Variants in KLHL11 observed in about 807,000 individuals in gnomAD.
KLHL11 encodes kelch-like protein 11.
A neutral mutation model predicts 56.1 loss-of-function variants in KLHL11; 26 were observed. The observed-to-expected ratio is 0.46, with a 90% CI of 0.34 to 0.64. The LOEUF (loss-of-function observed/expected upper bound fraction) is 0.64, where lower values mean the gene tolerates loss of function less well. Among genes scored for constraint, KLHL11 ranks in the 30% least tolerant of loss-of-function variants. The probability of loss-of-function intolerance (pLI) is 0.01; values close to 1 mark genes in which losing one functional copy is unlikely to be tolerated. For missense variants in KLHL11, 627 were observed against 919.4 expected (o/e 0.68, Z 4.11); for synonymous variants, 338 against 345.8 (o/e 0.98, Z 0.25).
rs782437582 is a variant in KLHL11 at position 41,854,616 on chromosome 17, T to C, written c.1251A>G (p.Pro417=). 6.2e-7 allele frequency: 1 copy of C among 1,614,262 alleles called. No individual in the cohort carries two copies. The highest frequency in any genetic ancestry group is 8.5e-7 in the Non-Finnish European group (1 of 1,180,048). The change falls in exon 2 of 2, where the codon CCA becomes CCG. Residue 417 remains proline, a synonymous_variant. Transcript: ENST00000319121. This position sits in a 1 kb window ranked among gnomAD's most constrained non-coding sequence, Gnocchi z 4.9. ...ACCTTTCTACAGTTTTAGCAAACCC[T>C]GGCTCCATTGATCCAGCAACATACA... is the stretch of plus-strand genomic sequence containing the variant. ...SYVYVAGSME[P]GFAKTVERYN... is the part of the protein sequence containing the mutation.
intron 1 of KLHL11, among the ~76,000 whole-genome samples, chr17:41,860,029 C>T (rs2048392956): frequency 1.3e-5 from 2 of 152,166 alleles, no homozygotes; most frequent in South Asian, 4.1e-4. Context: ...TGCTTAGTAA[C>T]TCTCTTAACT....
rs2048343323 is a variant in KLHL11 at position 41,853,474 on chromosome 17, A to T, written c.*266T>A. Reference sequence around the variant, plus strand: ...GGCAGGAAAACAGCTAAGCAACTACACCTGATTTTTCCACTTGTCCTTAAT... The same window carrying T: ...GGCAGGAAAACAGCTAAGCAACTACTCCTGATTTTTCCACTTGTCCTTAAT... On this transcript the variant is annotated 3_prime_UTR_variant, in exon 2 of 2. Transcript: ENST00000319121. The T allele has an allele frequency of 5.8e-6, 2 of 344,638 alleles. No homozygotes were observed. The highest frequency in any genetic ancestry group is 1.8e-4 in the South Asian group (2 of 11,030). 21.3% of individuals were successfully genotyped at this position (344,638 alleles called of 1,614,324 possible).
At position 41,848,673 on chromosome 17, in the gene KLHL11, T is replaced by A. The variant is rs1187647457; in HGVS notation, c.*5067A>T. On this transcript the variant is annotated 3_prime_UTR_variant, in exon 2 of 2. Transcript: ENST00000319121. ...TCTCCTCTGAGTTAAGGGGAGATAG[T>A]GAAGATTATATTTTCAGTAGAGTAG... The A allele has an allele frequency of 2.2e-5, 4 of 183,072 alleles. No individual in the cohort carries two copies. Among genetic ancestry groups the A allele is most frequent in the Admixed American group, 1.1e-4 (2 of 18,530 alleles). 11.3% of individuals were successfully genotyped at this position (183,072 alleles called of 1,614,324 possible).
chr17:41,853,435 AG>A lies in KLHL11; in HGVS notation c.*304del, dbSNP rs1475675057. 3.8e-6 allele frequency: 1 copy of A among 262,346 alleles called. No individual in the cohort carries two copies. The highest frequency in any genetic ancestry group is 7.2e-5 in the East Asian group (1 of 13,918). The allele number at this position is 262,346 out of a possible 1,614,324, so 16.3% of individuals were successfully genotyped here. ...AAAACGTAAGTCCTCAAGACAAAGGAGTCATAACTCGTTGGCAGGAAAACAG... is the reference window on the plus strand; with the variant it reads ...AAAACGTAAGTCCTCAAGACAAAGGATCATAACTCGTTGGCAGGAAAACAG... On this transcript the variant is annotated 3_prime_UTR_variant, in exon 2 of 2. Transcript: ENST00000319121.
At position 41,851,276 on chromosome 17, in the gene KLHL11, T is replaced by A. The variant is rs1449613275; in HGVS notation, c.*2464A>T. On this transcript the variant is annotated 3_prime_UTR_variant, in exon 2 of 2. Coordinates refer to ENST00000319121, the MANE Select transcript of KLHL11 (RefSeq NM_018143.3). Reference sequence around the variant, plus strand: ...AAAACAAGAAAACCACATTGTAAACTGTTAGGAATCCTTTATATTAACTGA... The same window carrying A: ...AAAACAAGAAAACCACATTGTAAACAGTTAGGAATCCTTTATATTAACTGA... 1 of 152,084 alleles carries A rather than the reference T, an allele frequency of 6.6e-6. No individual in the cohort carries two copies. Among genetic ancestry groups the A allele is most frequent in the Non-Finnish European group, 1.5e-5 (1 of 68,034 alleles). The allele number at this position is 152,084 out of a possible 1,614,324, so 9.4% of individuals were successfully genotyped here.
chr17:41,854,443 T>C lies in KLHL11; in HGVS notation c.1424A>G (p.Asn475Ser). Residue 475 changes from asparagine (N) to serine (S), a missense_variant, in exon 2 of 2, where the codon AAT becomes AGT. Around this residue, in one of 4 missense-constraint regions of KLHL11, gnomAD observed 250 missense variants for 360.6 expected, o/e 0.69. Coordinates refer to ENST00000319121, the MANE Select transcript of KLHL11 (RefSeq NM_018143.3). This position sits in a 1 kb window ranked among gnomAD's most constrained non-coding sequence, Gnocchi z 4.9. ...SPGFKDVTVY[N>S]PELDKWHNLE... The stretch of plus-strand genomic sequence containing the variant: ...GTTGTGCCATTTATCAAGCTCAGGA[T>C]TATAAACAGTCACATCTTTAAAACC... The C allele has an allele frequency of 6.2e-7, 1 of 1,614,178 alleles. No homozygotes were observed. Among genetic ancestry groups the C allele is most frequent in the Non-Finnish European group, 8.5e-7 (1 of 1,180,032 alleles).
intron 1 of KLHL11, among the ~76,000 whole-genome samples, chr17:41,862,089 ATTCT>A (rs1555623094): frequency 2.7e-5 from 4 of 150,358 alleles, no homozygotes; most frequent in African/African-American, 9.8e-5. Flanking sequence ...CCTCTTTAAG[ATTCT>A]TTTTTTTTTT....
chr17:41,864,454 G>A (rs1387186441), intron 1 of KLHL11, among the ~76,000 whole-genome samples: 1 of 152,232 alleles, frequency 6.6e-6, no homozygotes, highest in Non-Finnish European at 1.5e-5. Context: ...TGCACGGTCA[G>A]TTATTTTTTG....
chr17:41,863,480 G>A (rs1344204077), intron 1 of KLHL11, among the ~76,000 whole-genome samples: 1 of 152,030 alleles, frequency 6.6e-6, no homozygotes, highest in African/African-American at 2.4e-5. Flanking sequence ...ACAGGCGTGG[G>A]CCACCGCGCC....
rs1219720615 is a variant in KLHL11 at position 41,855,191 on chromosome 17, C to A, written c.676G>T (p.Asp226Tyr). 1 of 1,614,048 alleles carries A rather than the reference C, an allele frequency of 6.2e-7. No individual in the cohort carries two copies. The highest frequency in any genetic ancestry group is 8.5e-7 in the Non-Finnish European group (1 of 1,180,038). ...TLSQLALKAA[D>Y]MIRRNFHKVI... The stretch of plus-strand genomic sequence containing the variant: ...TTGTGGAAATTTCTCCGTATCATAT[C>A]AGCAGCCTTCAGAGCAAGTTGGCTC... The change falls in exon 2 of 2, where the codon GAT (aspartate) becomes TAT (tyrosine). Residue 226 changes from aspartate (D) to tyrosine (Y), a missense_variant. This residue lies in a region of KLHL11 where 150 missense variants were observed against 215.7 expected (regional missense o/e 0.70). Transcript: ENST00000319121.
chr17:41,864,726 C>T, intron 1 of KLHL11, 100 bp downstream of exon 1: 1 of 1,240,610 alleles, frequency 8.1e-7, no homozygotes, highest in Non-Finnish European at 1.1e-6. Context: ...TCACTCAGGA[C>T]TCGCGAGCTG....
intron 1 of KLHL11, among the ~76,000 whole-genome samples, chr17:41,862,540 A>T (rs2048410728): frequency 1.3e-5 from 2 of 151,148 alleles, no homozygotes; most frequent in African/African-American, 4.9e-5. Context: ...TCGGCCTCCC[A>T]AAGTGCTAGG....
rs1342406017 is a variant in KLHL11, at chr17:41,865,422, G to T, written c.-52C>A. On this transcript the variant is annotated 5_prime_UTR_variant, in exon 1 of 2. Coordinates refer to ENST00000319121, the MANE Select transcript of KLHL11 (RefSeq NM_018143.3). ...CAGCCTCGGAACGATGCGGCTGTTG[G>T]TACGACACAGAGGGATTCTGGGATT... 4 of 1,163,582 alleles carry T rather than the reference G, an allele frequency of 3.4e-6. No homozygotes were observed. Among genetic ancestry groups the T allele is most frequent in the Non-Finnish European group, 4.6e-6 (4 of 872,238 alleles). 72.1% of individuals were successfully genotyped at this position (1,163,582 alleles called of 1,614,324 possible).
At chr17:41,863,174 T>C (rs1404267806) in intron 1 of KLHL11, among the ~76,000 whole-genome samples, 3 of 142,168 alleles carry the variant, frequency 2.1e-5, no homozygotes, top group African/African-American at 7.8e-5. Flanking sequence ...TCCTCCCCAA[T>C]GCCACATCCT....
chr17:41,852,395 C>T lies in KLHL11; in HGVS notation c.*1345G>A, dbSNP rs2048336872. On this transcript the variant is annotated 3_prime_UTR_variant, in exon 2 of 2. Transcript: ENST00000319121. ...GGCAAAGTTTGAAAGTGTGGGGCAA[C>T]TGGATAAAATATAACAATCAGAAAT... Among the ~76,000 whole-genome samples, 1 of 152,064 alleles carries T rather than the reference C, an allele frequency of 6.6e-6. No individual in the cohort carries two copies. Among genetic ancestry groups the T allele is most frequent in the African/African-American group, 2.4e-5 (1 of 41,386 alleles).
intron 1 of KLHL11, 111 bp from the exon 2 acceptor site, chr17:41,855,432 G>A (rs2144154046): frequency 2.7e-6 from 2 of 738,898 alleles, no homozygotes; most frequent in Non-Finnish European, 4.3e-6. Flanking sequence ...AGGTTGGAGT[G>A]CAGTGGCGTG....
In KLHL11 at chr17:41,849,235, C is replaced by T. The variant is rs908210395; in HGVS notation, c.*4505G>A. On this transcript the variant is annotated 3_prime_UTR_variant, in exon 2 of 2. Transcript: ENST00000319121. ...ACTTGGTTTACAGTAATGTACAACA[C>T]TTTCAAAGACATGAAATGTGGCCCG... 9 of 152,126 alleles carry T rather than the reference C, an allele frequency of 5.9e-5. No homozygotes were observed. The highest frequency in any genetic ancestry group is 1.7e-4 in the African/African-American group (7 of 41,412). 9.4% of individuals were successfully genotyped at this position (152,126 alleles called of 1,614,324 possible). A position where few individuals can be genotyped will look rare whatever the true frequency, so the allele number is the denominator to read the frequency against.
chr17:41,861,437 C>T (rs988826089), intron 1 of KLHL11, among the ~76,000 whole-genome samples: 2 of 152,052 alleles, frequency 1.3e-5, no homozygotes, highest in African/African-American at 2.4e-5. Flanking sequence ...CGGTGGCTCA[C>T]GCCTGTAATC....
chr17:41,859,559 AAAAAAAC>A (rs564252408), intron 1 of KLHL11, among the ~76,000 whole-genome samples: 31 of 151,836 alleles, frequency 2.0e-4, no homozygotes, highest in South Asian at 1.7e-3. Context: ...ATGCTATCTC[AAAAAAAC>A]AAAAAACAAA....
Sources: allele counts gnomAD v4.1 joint callset (sites outside exome capture counted in the v4.1 genomes callset), GRCh38; gene constraint gnomAD v4.1.1; regional missense constraint gnomAD v4.1.1; non-coding constraint Gnocchi (gnomAD v3.1); transcripts MANE v1.5; gene names NCBI Gene and HGNC (gene_info 2026-07-23, HGNC 2026-07-21).